CP: variants seen among roughly 807,000 people sequenced by gnomAD.
CP encodes caeruloplasmin.
In CP, 64 loss-of-function variants were observed where a neutral mutation model predicts 122.4. The observed-to-expected ratio is 0.52, with a 90% CI of 0.43 to 0.64. The LOEUF is 0.64. CP is among the 30% of genes least tolerant of loss of function. The probability of loss-of-function intolerance (pLI) is 0.00; values close to 1 mark genes in which losing one functional copy is unlikely to be tolerated. For missense variants in CP, 1,167 were observed against 1,284.4 expected (o/e 0.91, Z 1.40); for synonymous variants, 440 against 436.4 (o/e 1.01, Z -0.10).
At chr3:149,214,442 T>C (rs1180514882) in intron 1 of CP, among the ~76,000 whole-genome samples, 1 of 152,112 alleles carries the variant, frequency 6.6e-6, no homozygotes, top group Non-Finnish European at 1.5e-5. Context: ...TCCTGAATTG[T>C]ATAAACCCGA....
At chr3:149,207,942 T>G (rs1727856567) in intron 4 of CP, among the ~76,000 whole-genome samples, 1 of 152,194 alleles carries the variant, frequency 6.6e-6, no homozygotes, top group Non-Finnish European at 1.5e-5. Flanking sequence ...TACATACATA[T>G]AAACAAAACA....
At position 149,212,700 on chromosome 3, in the gene CP, T is replaced by C. The variant is rs1057518247; in HGVS notation, c.147-2A>G. ...TGAAGATAGATATTGGAATGTTCCC[T>C]GCAAAGAAAAACAAGACAACTCTAT... On this transcript the variant is annotated splice_acceptor_variant, in intron 1 of 18. Coordinates refer to ENST00000264613, the MANE Select transcript of CP (RefSeq NM_000096.4). LOFTEE classifies it high-confidence loss of function. 7 of 1,613,258 alleles carry C rather than the reference T, an allele frequency of 4.3e-6. No homozygotes were observed. In the East Asian group the frequency reaches 1.1e-4, roughly 26 times the overall value.
Position 149,185,564 on chromosome 3 carries a change from C to A in CP, c.2078-118G>T. The A allele has an allele frequency of 9.0e-6, 8 of 884,610 alleles. No individual in the cohort carries two copies. The South Asian group carries it at 1.1e-4, about 12-fold the overall frequency. The allele number at this position is 884,610 out of a possible 1,614,324, so 54.8% of individuals were successfully genotyped here. A position where few individuals can be genotyped will look rare whatever the true frequency, so the allele number is the denominator to read the frequency against. On this transcript the variant is annotated intron_variant, in intron 11 of 18. Coordinates refer to ENST00000264613, the MANE Select transcript of CP (RefSeq NM_000096.4). ...TGGCCTCAGGTGATCTAGCTTTCCA[C>A]ACCTTCTGCTCACCCTGCTCCATCC...
chr3:149,186,288 G>GA (rs1329882508), intron 11 of CP: 1 of 570,086 alleles, frequency 1.8e-6, no homozygotes, highest in African/African-American at 1.9e-5. Flanking sequence ...TGGAAGTGGA[G>GA]AAAACCACAC....
rs761028032 is a variant in CP, at chr3:149,183,540, T to A, written c.2351A>T (p.Tyr784Phe). The A allele has an allele frequency of 6.2e-7, 1 of 1,611,282 alleles. No individual in the cohort carries two copies. The highest frequency in any genetic ancestry group is 1.1e-5 in the South Asian group (1 of 90,990). ...YIGSKYKKVV[Y>F]RQYTDSTFRV... is the part of the protein sequence containing the mutation. ...GAATGTGCTATCAGTATACTGCCGA[T>A]ACACAACTTTCTTGTACTTTGAGCC... The change falls in exon 13 of 19, where the codon TAT (tyrosine) becomes TTT (phenylalanine). Residue 784 changes from tyrosine (Y) to phenylalanine (F), a missense_variant. Coordinates refer to ENST00000264613, the MANE Select transcript of CP (RefSeq NM_000096.4).
chr3:149,188,508 AAAAAAAAAAAAG>A (rs1726336725), intron 9 of CP, among the ~76,000 whole-genome samples: 1 of 150,518 alleles, frequency 6.6e-6, no homozygotes, highest in Non-Finnish European at 1.5e-5. Flanking sequence ...AAAAAAAAAA[AAAAAAAAAAAAG>A]TTAAAATAGG....
At chr3:149,201,647 G>A (rs1411280094) in intron 7 of CP, among the ~76,000 whole-genome samples, 9 of 152,144 alleles carry the variant, frequency 5.9e-5, no homozygotes. Context: ...CTGGAGTGCA[G>A]TGGCACGATC....
rs185584618 is a variant in CP at position 149,181,639 on chromosome 3, C to T, written c.2554+366G>A. Reference sequence around the variant, plus strand: ...GGAATTTAGAGTTCCAAGTGGCAGCCTCTGGCCCTTAGAACCACATGTGCT... The same window carrying T: ...GGAATTTAGAGTTCCAAGTGGCAGCTTCTGGCCCTTAGAACCACATGTGCT... On this transcript the variant is annotated intron_variant, in intron 14 of 18. Coordinates refer to ENST00000264613, the MANE Select transcript of CP (RefSeq NM_000096.4). 9.0e-4 allele frequency among the ~76,000 whole-genome samples: 137 copies of T among 152,230 alleles called. 1 individual carries two copies. Among genetic ancestry groups the T allele is most frequent in the Non-Finnish European group, 6.5e-4 (44 of 68,016 alleles).
In CP at chr3:149,162,826, T is replaced by C. The variant is rs1724015422; in HGVS notation, c.*63A>G. ...CTCACATCACAGTACATCTGGAGAT[T>C]GTCTAAGAGGCAGCCTCCTGACACC... On this transcript the variant is annotated 3_prime_UTR_variant, in exon 6 of 6. Coordinates refer to the CP transcript ENST00000479771. 5 of 1,614,080 alleles carry C rather than the reference T, an allele frequency of 3.1e-6. No individual in the cohort carries two copies. The highest frequency in any genetic ancestry group is 4.2e-6 in the Non-Finnish European group (5 of 1,179,964).
chr3:149,201,073 T>A (rs1381216116), intron 7 of CP, among the ~76,000 whole-genome samples: 1 of 152,222 alleles, frequency 6.6e-6, no homozygotes, highest in East Asian at 1.9e-4. Context: ...CGGAGGGCTC[T>A]AGGACAGATC....
chr3:149,202,166 G>A lies in CP; in HGVS notation c.1284C>T (p.Tyr428=). Residue 428 remains tyrosine, a synonymous_variant, in exon 7 of 19, where the codon TAC becomes TAT. Coordinates refer to ENST00000264613, the MANE Select transcript of CP (RefSeq NM_000096.4). ...TTCGATTTGTGAAGGAGGCATCTGT[G>A]TACTCACGATAAACCAGCTTTTTAT... ...GSYKKLVYRE[Y]TDASFTNRKE... The A allele has an allele frequency of 6.2e-7, 1 of 1,614,120 alleles. No homozygotes were observed. Among genetic ancestry groups the A allele is most frequent in the East Asian group, 2.2e-5 (1 of 44,878 alleles).
Position 149,181,985 on chromosome 3 carries a change from A to ACACCCC in CP, c.2554+19_2554+20insGGGGTG. Reference sequence around the variant, plus strand: ...CAGCCTGTTAAAATGCACCACCCCCACCCCCGCCCCCGTGAGTACCTGGTA... The same window carrying ACACCCC: ...CAGCCTGTTAAAATGCACCACCCCCACACCCCCCCCCGCCCCCGTGAGTACCTGGTA... On this transcript the variant is annotated intron_variant, in intron 14 of 18. Transcript: ENST00000264613. The ACACCCC allele has an allele frequency of 2.5e-6, 1 of 402,780 alleles. No individual in the cohort carries two copies. Among genetic ancestry groups the ACACCCC allele is most frequent in the Admixed American group, 3.0e-5 (1 of 32,844 alleles). The allele number at this position is 402,780 out of a possible 1,614,324, so 25.0% of individuals were successfully genotyped here.
In CP at chr3:149,178,478, A is replaced by G. The variant is rs1321201788; in HGVS notation, c.2815T>C (p.Ser939Pro). The G allele has an allele frequency of 6.2e-7, 1 of 1,613,604 alleles. No homozygotes were observed. Among genetic ancestry groups the G allele is most frequent in the Non-Finnish European group, 8.5e-7 (1 of 1,179,668 alleles). The change falls in exon 16 of 19, where the codon TCT becomes CCT. Residue 939 changes from serine to proline, a missense_variant. This residue lies in a region of CP where 525 missense variants were observed against 657.2 expected (regional missense o/e 0.80). Coordinates refer to ENST00000264613, the MANE Select transcript of CP (RefSeq NM_000096.4). Reference sequence around the variant, plus strand: ...TTGTTTACTTTCTCGGGGTGATCAGAGTATGTTTTGATGTTGTCATCTAAG... The same window carrying G: ...TTGTTTACTTTCTCGGGGTGATCAGGGTATGTTTTGATGTTGTCATCTAAG... The part of the protein sequence containing the change: ...WYLDDNIKTY[S>P]DHPEKVNKDD...
chr3:149,172,951 T>C lies in CP; in HGVS notation c.*763A>G, dbSNP rs1725150556. The stretch of plus-strand genomic sequence containing the variant: ...ATGTGAAAATAAAGAAATACATCAT[T>C]GTATTCACAACCATGTGTCTTCATT... On this transcript the variant is annotated 3_prime_UTR_variant, in exon 19 of 19. Transcript: ENST00000264613. 1 of 152,680 alleles carries C rather than the reference T, an allele frequency of 6.5e-6. No homozygotes were observed. Among genetic ancestry groups the C allele is most frequent in the Non-Finnish European group, 1.5e-5 (1 of 68,042 alleles). The allele number at this position is 152,680 out of a possible 1,614,324, so 9.5% of individuals were successfully genotyped here. A position where few individuals can be genotyped will look rare whatever the true frequency, so the allele number is the denominator to read the frequency against.
intron 1 of CP, among the ~76,000 whole-genome samples, chr3:149,218,939 C>T (rs1439211719): frequency 2.0e-5 from 3 of 152,110 alleles, no homozygotes; most frequent in African/African-American, 7.2e-5. Flanking sequence ...ATTTCCACTC[C>T]TTTTTAGTCA....
At chr3:149,216,900 C>CTTTTTTT (rs201368226) in intron 1 of CP, among the ~76,000 whole-genome samples, 1 of 129,608 alleles carries the variant, frequency 7.7e-6, no homozygotes, top group African/African-American at 2.8e-5. Context: ...CTATTGCTTG[C>CTTTTTTT]TTTTTTTTTT....
At chr3:149,205,175 G>A (rs1269974318) in intron 6 of CP, among the ~76,000 whole-genome samples, 1 of 150,552 alleles carries the variant, frequency 6.6e-6, no homozygotes, top group Non-Finnish European at 1.5e-5. Flanking sequence ...ATGCTCATTA[G>A]GATGGTTATT....
At chr3:149,177,752 T>C in intron 17 of CP, 88 bp downstream of exon 17, 1 of 1,444,448 alleles carries the variant, frequency 6.9e-7, no homozygotes, top group East Asian at 2.3e-5. Flanking sequence ...CAGCTTTTTT[T>C]CATAAGTCTC....
At position 149,185,261 on chromosome 3, in the gene CP, G is replaced by T. The variant is rs763571936; in HGVS notation, c.2263C>A (p.Leu755Met). The change falls in exon 12 of 19, where the codon CTG becomes ATG. Residue 755 changes from leucine to methionine, a missense_variant. By Grantham distance (15) the Leu-to-Met change is conservative. Transcript: ENST00000264613. ...YSPQREWEKE[L>M]HHLQEQNVSN... is the part of the protein sequence containing the mutation. ...TACTTCTGCTCTTGTAAATGATGCA[G>T]CTCCTTTTCCCACTCCCTTTGTGGG... 2.5e-6 allele frequency: 4 copies of T among 1,612,960 alleles called. No individual in the cohort carries two copies. The South Asian group carries it at 4.4e-5, about 18-fold the overall frequency.
Sources: gnomAD v4.1 joint callset for allele counts (sites outside exome capture counted in the v4.1 genomes callset) on GRCh38, gnomAD v4.1.1 for gene constraint, gnomAD v4.1.1 regional missense constraint, MANE v1.5 for transcripts, NCBI Gene and HGNC (gene_info 2026-07-23, HGNC 2026-07-21) for gene names.